The following FAM161A variants were observed in gnomAD, a reference collection of about 807,000 sequenced individuals.
FAM161A encodes the protein protein FAM161A.
A neutral mutation model predicts 70.9 loss-of-function variants in FAM161A; 57 were observed. The observed-to-expected ratio is 0.80, with a 90% confidence interval of 0.65 to 1.00. The LOEUF (loss-of-function observed/expected upper bound fraction) is 1.00, where lower values mean the gene tolerates loss of function less well. Ranked by LOEUF, FAM161A falls within the 50% of genes least tolerant of loss-of-function variation. The pLI, the probability that FAM161A is intolerant of heterozygous loss-of-function variation, is 0.00. For synonymous variants in FAM161A, 299 were observed against 295.7 expected (o/e 1.01, Z -0.12); for missense variants, 880 against 836.0 (o/e 1.05, Z -0.65).
intron 5 of FAM161A, among the ~76,000 whole-genome samples, chr2:61,833,586 G>A (rs986922190): frequency 2.0e-5 from 3 of 152,156 alleles, no homozygotes; most frequent in South Asian, 4.1e-4. Context: ...GTGTGCTTCC[G>A]AGAGGACGTG....
At chr2:61,853,443 A>G (rs1194357611) in intron 1 of FAM161A, among the ~76,000 whole-genome samples, 1 of 152,204 alleles carries the variant, frequency 6.6e-6, no homozygotes, top group African/African-American at 2.4e-5. Flanking sequence ...TTAGAGCACT[A>G]TGTTGAGATC....
At chr2:61,849,199 G>A (rs1396938660) in intron 1 of FAM161A, among the ~76,000 whole-genome samples, 1 of 139,594 alleles carries the variant, frequency 7.2e-6, no homozygotes, top group African/African-American at 2.7e-5. Context: ...AATATATGGA[G>A]GAGATAGAAA....
At chr2:61,845,794 C>G (rs1178307862) in intron 1 of FAM161A, among the ~76,000 whole-genome samples, 1 of 151,572 alleles carries the variant, frequency 6.6e-6, no homozygotes, top group Non-Finnish European at 1.5e-5. Flanking sequence ...GACCTTGTAT[C>G]AAGAAAAAAG....
At chr2:61,821,135 C>T (rs1371410084), downstream of FAM161A, among the ~76,000 whole-genome samples, 2 of 151,964 alleles carry the variant, frequency 1.3e-5, no homozygotes, top group Non-Finnish European at 2.9e-5. Flanking sequence ...TCACTGCAAC[C>T]TCGGCCTCCC....
At chr2:61,807,478 T>C in the FAM161A span, among the ~76,000 whole-genome samples, 2 of 151,786 alleles carry the variant, frequency 1.3e-5, no homozygotes, top group African/African-American at 4.8e-5. Flanking sequence ...TACTTGAAAA[T>C]GTAAAAAAGA....
the FAM161A span, chr2:61,803,264 A>T: frequency 9.6e-6 from 6 of 624,994 alleles, no homozygotes; most frequent in South Asian, 8.7e-5. Context: ...TTCAGAACTC[A>T]TGCTGGTGGT....
chr2:61,851,492 G>A (rs1238278746), intron 1 of FAM161A, among the ~76,000 whole-genome samples: 1 of 152,104 alleles, frequency 6.6e-6, no homozygotes, highest in African/African-American at 2.4e-5. Flanking sequence ...GTGCCACCAC[G>A]TCCGGCTACT....
intron 1 of FAM161A, among the ~76,000 whole-genome samples, chr2:61,851,666 T>C (rs866115507): frequency 6.6e-6 from 1 of 152,102 alleles, no homozygotes; most frequent in Non-Finnish European, 1.5e-5. Context: ...TCATCAGTCA[T>C]ATAACAGGAT....
intron 6 of FAM161A, among the ~76,000 whole-genome samples, 190 bp downstream of exon 6, chr2:61,826,914 G>T (rs1379785728): frequency 2.6e-5 from 4 of 152,120 alleles, no homozygotes; most frequent in Non-Finnish European, 5.9e-5. Flanking sequence ...AATACTTCAT[G>T]TGAACGTTAA....
chr2:61,838,813 A>C (rs1672871152), intron 3 of FAM161A, 108 bp from the exon 4 acceptor site: 1 of 672,740 alleles, frequency 1.5e-6, no homozygotes, highest in Non-Finnish European at 2.2e-6. Flanking sequence ...AATTTGAAAA[A>C]AGGTAACCTT....
In FAM161A at chr2:61,824,964, T is replaced by C. The variant is rs1337997663; in HGVS notation, c.*1491A>G. 4.4e-6 allele frequency: 2 copies of C among 453,094 alleles called. No homozygotes were observed. Among genetic ancestry groups the C allele is most frequent in the Admixed American group, 2.4e-5 (1 of 42,422 alleles). The allele number at this position is 453,094 out of a possible 1,614,324, so 28.1% of individuals were successfully genotyped here. On this transcript the variant is annotated 3_prime_UTR_variant, in exon 7 of 7. Coordinates refer to ENST00000404929, the MANE Select transcript of FAM161A (RefSeq NM_001201543.2). ...AAATGGTGCCAAATCCCAAGGAGTT[T>C]ACAATATAATAATAGTAAAAAGTAA...
the FAM161A span, among the ~76,000 whole-genome samples, chr2:61,807,835 C>G: frequency 6.6e-6 from 1 of 151,964 alleles, no homozygotes; most frequent in Non-Finnish European, 1.5e-5. Context: ...GAGACATGGT[C>G]TCACTATGTT....
intron 3 of FAM161A, among the ~76,000 whole-genome samples, 179 bp from the exon 4 acceptor site, chr2:61,838,884 A>ATTTTTT (rs749935817): frequency 1.5e-5 from 2 of 133,618 alleles, no homozygotes; most frequent in African/African-American, 5.6e-5. Context: ...TTATTTATTT[A>ATTTTTT]TTTATTTATT....
chr2:61,826,667 G>GC, intron 6 of FAM161A, 68 bp from the exon 7 acceptor site: 1 of 1,331,476 alleles, frequency 7.5e-7, no homozygotes, highest in Non-Finnish European at 1.1e-6. Context: ...CAAACCCTCT[G>GC]CAAGTATGCC....
chr2:61,825,368 A>C lies in FAM161A; in HGVS notation c.*1087T>G, dbSNP rs758995125. 4.0e-5 allele frequency: 18 copies of C among 454,136 alleles called. No homozygotes were observed. Among genetic ancestry groups the C allele is most frequent in the Non-Finnish European group, 7.9e-5 (18 of 226,796 alleles). 28.1% of individuals were successfully genotyped at this position (454,136 alleles called of 1,614,324 possible). On this transcript the variant is annotated 3_prime_UTR_variant, in exon 7 of 7. Coordinates refer to ENST00000404929, the MANE Select transcript of FAM161A (RefSeq NM_001201543.2). Reference sequence around the variant, plus strand: ...ATTACTTTGGAGACTTGCCCTAGCCAAGTTATTATGCACAATTTCATCATA... The same window carrying C: ...ATTACTTTGGAGACTTGCCCTAGCCCAGTTATTATGCACAATTTCATCATA...
chr2:61,811,114 T>G, the FAM161A span, among the ~76,000 whole-genome samples: 1 of 135,430 alleles, frequency 7.4e-6, no homozygotes, highest in Non-Finnish European at 1.6e-5. Flanking sequence ...ATATCCTGAA[T>G]CCAATATTTC....
At chr2:61,840,615 G>T in intron 2 of FAM161A, 34 bp from the exon 3 acceptor site, 1 of 1,411,200 alleles carries the variant, frequency 7.1e-7, no homozygotes, top group Non-Finnish European at 1.0e-6. Flanking sequence ...TATACTTTCA[G>T]TTGTATGTGA....
chr2:61,838,468 C>T, intron 4 of FAM161A, 70 bp downstream of exon 4: 3 of 1,279,356 alleles, frequency 2.3e-6, no homozygotes, highest in Non-Finnish European at 3.3e-6. Flanking sequence ...TCATATTTTA[C>T]TATCTACTGA....
the FAM161A span, among the ~76,000 whole-genome samples, chr2:61,806,785 G>A: frequency 4.6e-3 from 642 of 139,436 alleles, 2 homozygotes; most frequent in African/African-American, 0.016. Flanking sequence ...CTCCGCCTCC[G>A]GGGTTCACAC....
Sources: gnomAD v4.1 joint callset for allele counts (sites outside exome capture counted in the v4.1 genomes callset) on GRCh38, gnomAD v4.1.1 for gene constraint, MANE v1.5 for transcripts, NCBI Gene and HGNC (gene_info 2026-07-23, HGNC 2026-07-21) for gene names.